The following ELP4 variants were observed in gnomAD, a reference collection of about 807,000 sequenced individuals.
The protein encoded by ELP4 is elongator acetyltransferase complex subunit 4, also known as elongator complex protein 4.
ELP4 carries 51 observed loss-of-function variants against 48.9 expected under a neutral mutation model. The ratio of observed to expected loss-of-function variants is 1.04; its 90% CI spans 0.83 to 1.32. The LOEUF (loss-of-function observed/expected upper bound fraction) is 1.32, where lower values mean the gene tolerates loss of function less well. ELP4 is among the 40% of genes most tolerant of loss of function. ELP4 has a pLI of 0.00. For missense variants in ELP4, 519 were observed against 514.6 expected (o/e 1.01, Z -0.08); for synonymous variants, 210 against 189.2 (o/e 1.11, Z -0.90).
At chr11:31,744,205 C>T (rs1227866106) in intron 9 of ELP4, among the ~76,000 whole-genome samples, 1 of 152,148 alleles carries the variant, frequency 6.6e-6, no homozygotes, top group East Asian at 1.9e-4. Context: ...GAAGTTGAAT[C>T]TCTGAATAGA....
chr11:31,603,756 T>A lies in ELP4; in HGVS notation c.514-12T>A, dbSNP rs1450654131. ...AATTGTTTAACAACCACTATGGGGT[T>A]TATTTTAGCAGATTGGACCAGTATC... On this transcript the variant is annotated splice_polypyrimidine_tract_variant and intron_variant, in intron 4 of 9. Transcript: ENST00000640961. 1 of 1,604,830 alleles carries A rather than the reference T, an allele frequency of 6.2e-7. No individual in the cohort carries two copies. Among genetic ancestry groups the A allele is most frequent in the Non-Finnish European group, 8.5e-7 (1 of 1,174,944 alleles).
chr11:31,648,321 T>G (rs1592189681), intron 8 of ELP4: 1 of 151,986 alleles, frequency 6.6e-6, no homozygotes, highest in East Asian at 1.9e-4. Context: ...TTTTCTCTGT[T>G]TACTCATTTT....
intron 9 of ELP4, among the ~76,000 whole-genome samples, chr11:31,700,267 G>A (rs1946493963): frequency 6.6e-6 from 1 of 151,816 alleles, no homozygotes; most frequent in Admixed American, 6.6e-5. Context: ...ATTAAAAATT[G>A]GGGAATCTGG....
intron 1 of ELP4, among the ~76,000 whole-genome samples, chr11:31,518,185 C>T (rs1469842197): frequency 3.3e-5 from 5 of 150,678 alleles, no homozygotes; most frequent in East Asian, 3.9e-4. Flanking sequence ...CGGCTCAGTG[C>T]GACCTCCACC....
intron 9 of ELP4, among the ~76,000 whole-genome samples, chr11:31,746,411 T>G (rs1018829688): frequency 2.0e-5 from 3 of 152,196 alleles, no homozygotes; most frequent in Non-Finnish European, 2.9e-5. Flanking sequence ...GGATTATAAA[T>G]CATGCTGCTA....
intron 9 of ELP4, among the ~76,000 whole-genome samples, chr11:31,691,984 T>C (rs1946291094): frequency 6.6e-6 from 1 of 152,148 alleles, no homozygotes; most frequent in African/African-American, 2.4e-5. Flanking sequence ...ATAGGAGAAT[T>C]GCCCCCATGT....
intron 9 of ELP4, among the ~76,000 whole-genome samples, chr11:31,672,435 T>C (rs1945829491): frequency 6.6e-6 from 1 of 152,324 alleles, no homozygotes; most frequent in East Asian, 1.9e-4. Flanking sequence ...TTTATTCCAG[T>C]GCTGTGAAAA....
intron 9 of ELP4, among the ~76,000 whole-genome samples, chr11:31,710,871 G>A (rs906486285): frequency 1.3e-5 from 2 of 152,096 alleles, no homozygotes; most frequent in Admixed American, 1.3e-4. Context: ...CAATATAATA[G>A]GGGAGACTAG....
At chr11:31,761,617 G>A (rs1259740074) in intron 9 of ELP4, among the ~76,000 whole-genome samples, 2 of 152,194 alleles carry the variant, frequency 1.3e-5, no homozygotes, top group Admixed American at 1.3e-4. Flanking sequence ...GGACAGTGGG[G>A]AGATATGCTA....
At chr11:31,686,027 A>G (rs2134130654) in intron 9 of ELP4, among the ~76,000 whole-genome samples, 1 of 152,104 alleles carries the variant, frequency 6.6e-6, no homozygotes, top group South Asian at 2.1e-4. Context: ...TTGTCTTTTC[A>G]AGGGGTTATC....
chr11:31,700,009 T>C (rs1351033402), intron 9 of ELP4, among the ~76,000 whole-genome samples: 2 of 152,024 alleles, frequency 1.3e-5, no homozygotes, highest in African/African-American at 4.8e-5. Flanking sequence ...GTTGACAAAG[T>C]TTGAATGATG....
chr11:31,542,679 C>T (rs1003344954), intron 3 of ELP4, among the ~76,000 whole-genome samples: 2 of 152,212 alleles, frequency 1.3e-5, no homozygotes, highest in South Asian at 2.1e-4. Flanking sequence ...AGTACCTTAA[C>T]TGTGTCCCAG....
intron 9 of ELP4, among the ~76,000 whole-genome samples, chr11:31,697,120 A>G (rs1425156140): frequency 2.6e-5 from 4 of 152,232 alleles, no homozygotes; most frequent in Non-Finnish European, 2.9e-5. Flanking sequence ...ACTATCCTAA[A>G]TATATATGCA....
intron 9 of ELP4, among the ~76,000 whole-genome samples, chr11:31,775,906 A>C (rs548045031): frequency 1.5e-3 from 232 of 152,288 alleles, no homozygotes; most frequent in Non-Finnish European, 2.9e-3. Context: ...TGGAGGTTGC[A>C]GTGAGCTGAG....
rs991433635 is a variant in ELP4 at position 31,787,687 on chromosome 11, T to A, written c.*4163T>A. 4.3e-6 allele frequency: 1 copy of A among 230,780 alleles called. No individual in the cohort carries two copies. The highest frequency in any genetic ancestry group is 8.6e-6 in the Non-Finnish European group (1 of 116,590). The allele number at this position is 230,780 out of a possible 1,614,324, so 14.3% of individuals were successfully genotyped here. ...CAGGCTGACACTGAACAAAACTACATGCACACATACAAAAACTGCAACTTA... is the reference window on the plus strand; with the variant it reads ...CAGGCTGACACTGAACAAAACTACAAGCACACATACAAAAACTGCAACTTA... On this transcript the variant is annotated 3_prime_UTR_variant, in exon 10 of 10. Transcript: ENST00000640961.
At chr11:31,589,288 C>G (rs1957530779) in intron 3 of ELP4, among the ~76,000 whole-genome samples, 2 of 152,142 alleles carry the variant, frequency 1.3e-5, no homozygotes, top group Non-Finnish European at 2.9e-5. Context: ...ATAGTCCCTA[C>G]CTGTCAAGAA....
At chr11:31,740,072 T>C (rs1294727302) in intron 9 of ELP4, among the ~76,000 whole-genome samples, 2 of 152,256 alleles carry the variant, frequency 1.3e-5, no homozygotes, top group East Asian at 1.9e-4. Context: ...TCAGAGGTTA[T>C]ACAGTTGAAA....
chr11:31,647,229 G>A (rs1405674483), intron 7 of ELP4: 1 of 151,864 alleles, frequency 6.6e-6, no homozygotes, highest in Non-Finnish European at 1.5e-5. Context: ...TCCTTTCCAT[G>A]TTTCTAATAT....
At chr11:31,527,898 CTT>C (rs1956323974) in intron 2 of ELP4, among the ~76,000 whole-genome samples, 1 of 152,048 alleles carries the variant, frequency 6.6e-6, no homozygotes, top group African/African-American at 2.4e-5. Flanking sequence ...AGCCTTCTCT[CTT>C]CTCATCCTCT....
Sources: gnomAD v4.1 joint callset for allele counts (sites outside exome capture counted in the v4.1 genomes callset) on GRCh38, gnomAD v4.1.1 for gene constraint, MANE v1.5 for transcripts, NCBI Gene and HGNC (gene_info 2026-07-23, HGNC 2026-07-21) for gene names.